The following STXBP6 variants were observed in gnomAD, a reference collection of about 807,000 sequenced individuals.
STXBP6 encodes syntaxin binding protein 6, also known as syntaxin-binding protein 6.
In STXBP6, 21 loss-of-function variants were observed where a neutral mutation model predicts 26.9. That is an observed-to-expected ratio of 0.78 (90% confidence interval 0.55 to 1.12). The LOEUF (loss-of-function observed/expected upper bound fraction) is 1.12. Among genes scored for constraint, STXBP6 ranks in the 50% most tolerant of loss-of-function variants. The probability of loss-of-function intolerance (pLI) is 0.00; values close to 1 mark genes in which losing one functional copy is unlikely to be tolerated. For synonymous variants in STXBP6, 97 were observed against 92.6 expected (o/e 1.05, Z -0.27); for missense variants, 232 against 257.9 (o/e 0.90, Z 0.69).
intron 1 of STXBP6, among the ~76,000 whole-genome samples, chr14:25,014,600 G>C (rs2075105174): frequency 6.6e-6 from 1 of 152,252 alleles, no homozygotes; most frequent in East Asian, 1.9e-4. Flanking sequence ...GCAAGGCACA[G>C]AGTCCGTGTC....
chr14:24,879,313 G>C (rs1041422192), intron 2 of STXBP6, among the ~76,000 whole-genome samples: 7 of 152,128 alleles, frequency 4.6e-5, no homozygotes, highest in African/African-American at 1.7e-4. Flanking sequence ...AAGCATAATA[G>C]AAGTTTTCCT....
At chr14:24,853,502 T>C (rs1330672847) in intron 4 of STXBP6, among the ~76,000 whole-genome samples, 1 of 152,130 alleles carries the variant, frequency 6.6e-6, no homozygotes, top group Non-Finnish European at 1.5e-5. Flanking sequence ...AAATCTTTGA[T>C]TCTTTAGATA....
At chr14:24,859,779 A>G (rs1016423085) in intron 2 of STXBP6, among the ~76,000 whole-genome samples, 2 of 152,184 alleles carry the variant, frequency 1.3e-5, no homozygotes, top group Non-Finnish European at 2.9e-5. Flanking sequence ...TATGGCTTCA[A>G]CATTCACAGG....
chr14:24,955,421 G>A (rs1197626292), intron 2 of STXBP6, among the ~76,000 whole-genome samples: 2 of 152,198 alleles, frequency 1.3e-5, no homozygotes, highest in Non-Finnish European at 2.9e-5. Flanking sequence ...ACTGGTGGAA[G>A]GGCGAGGATT....
At chr14:24,882,093 C>T (rs1296791077) in intron 2 of STXBP6, among the ~76,000 whole-genome samples, 1 of 151,716 alleles carries the variant, frequency 6.6e-6, no homozygotes, top group Non-Finnish European at 1.5e-5. Flanking sequence ...ATAAGAGGGG[C>T]TTTCGGCCGG....
chr14:24,836,076 T>G lies in STXBP6; in HGVS notation c.452-16882A>C, dbSNP rs368204567. ...TTTCACTGCTGCTCAAGACAGCCAG[T>G]GGCAACACTAGTTAATGAGCAATAG... On this transcript the variant is annotated intron_variant, in intron 4 of 5. Coordinates refer to ENST00000323944, the MANE Select transcript of STXBP6 (RefSeq NM_001394410.1). 3.9e-5 allele frequency among the ~76,000 whole-genome samples: 6 copies of G among 152,210 alleles called. No individual in the cohort carries two copies. In the East Asian group the frequency reaches 1.2e-3, roughly 29 times the overall value.
chr14:24,892,104 A>G (rs936926156), intron 2 of STXBP6, among the ~76,000 whole-genome samples: 1 of 152,184 alleles, frequency 6.6e-6, no homozygotes, highest in African/African-American at 2.4e-5. Context: ...ACACATGTAC[A>G]CATTAGGTTC....
In STXBP6 at chr14:24,911,375, A is replaced by AAG. The variant is rs138490421; in HGVS notation, c.155-54220_155-54219dup. ...AGGAAGGGAAAGAAGGGAAAGAAAG[A>AAG]AGAGAGAGAGAGAGAGAGAAAGGAA... On this transcript the variant is annotated intron_variant, in intron 2 of 5. Coordinates refer to ENST00000323944, the MANE Select transcript of STXBP6 (RefSeq NM_001394410.1). Among the ~76,000 whole-genome samples the AAG allele has an allele frequency of 5.7e-4, 85 of 148,628 alleles. 1 individual carries two copies. Among genetic ancestry groups the AAG allele is most frequent in the South Asian group, 2.4e-3 (11 of 4,670 alleles).
At chr14:25,044,679 G>C (rs1001556224) in intron 1 of STXBP6, among the ~76,000 whole-genome samples, 1 of 152,218 alleles carries the variant, frequency 6.6e-6, no homozygotes. Context: ...GCAGTGGCAC[G>C]ATCAGGGCTC....
intron 2 of STXBP6, among the ~76,000 whole-genome samples, chr14:24,922,888 A>G (rs1020879071): frequency 1.3e-5 from 2 of 152,120 alleles, no homozygotes; most frequent in African/African-American, 4.8e-5. Flanking sequence ...CTCAGATTTG[A>G]GCCATTTTGG....
In STXBP6 at chr14:24,984,323, A is replaced by C. The variant is rs79394711; in HGVS notation, c.-32-9473T>G. 4.1e-3 allele frequency among the ~76,000 whole-genome samples: 628 copies of C among 152,352 alleles called. 15 individuals are homozygous for C. The East Asian group carries it at 0.043, about 10-fold the overall frequency. ...CTGATTTGGAGAATATCACCACTTT[A>C]CAATTTCTTGGAAGAGTTTGAGTAA... On this transcript the variant is annotated intron_variant, in intron 1 of 5. Transcript: ENST00000323944.
In STXBP6 at chr14:24,924,629, C is replaced by CAT. The variant is rs561903789; in HGVS notation, c.154+50034_154+50035dup. Reference sequence around the variant, plus strand: ...TTGGTGTTTCTCCATTCTTACTAGCCATCTCTTTCCTGTCTAAGAATTCAA... The same window carrying CAT: ...TTGGTGTTTCTCCATTCTTACTAGCCATATCTCTTTCCTGTCTAAGAATTCAA... On this transcript the variant is annotated intron_variant, in intron 2 of 5. Coordinates refer to ENST00000323944, the MANE Select transcript of STXBP6 (RefSeq NM_001394410.1). Among the ~76,000 whole-genome samples, 28 of 152,202 alleles carry CAT rather than the reference C, an allele frequency of 1.8e-4. No individual in the cohort carries two copies. The South Asian group carries it at 5.8e-3, about 32-fold the overall frequency.
At chr14:24,924,860 A>G (rs975293384) in intron 2 of STXBP6, among the ~76,000 whole-genome samples, 1 of 152,176 alleles carries the variant, frequency 6.6e-6, no homozygotes, top group Middle Eastern at 3.2e-3. Context: ...TTCTGCAAAG[A>G]TAAGTTCAGG....
intron 1 of STXBP6, among the ~76,000 whole-genome samples, chr14:25,046,862 T>C (rs1595368517): frequency 6.6e-6 from 1 of 152,164 alleles, no homozygotes; most frequent in South Asian, 2.1e-4. Context: ...CTAATACTGA[T>C]CAGCTGCCCC....
intron 2 of STXBP6, among the ~76,000 whole-genome samples, chr14:24,968,729 T>G (rs1483002141): frequency 6.6e-6 from 1 of 152,120 alleles, no homozygotes; most frequent in African/African-American, 2.4e-5. Flanking sequence ...ATTTTTCAAC[T>G]GAATAAACTA....
intron 4 of STXBP6, among the ~76,000 whole-genome samples, chr14:24,843,393 T>C (rs2068843553): frequency 6.6e-6 from 1 of 152,182 alleles, no homozygotes; most frequent in Admixed American, 6.5e-5. Context: ...TTAACTCCTG[T>C]GTCCAGGGAG....
chr14:24,864,772 C>T (rs2069661919), intron 2 of STXBP6, among the ~76,000 whole-genome samples: 1 of 152,180 alleles, frequency 6.6e-6, no homozygotes, highest in African/African-American at 2.4e-5. Flanking sequence ...ATAATTACCG[C>T]TATCAGTCAA....
intron 2 of STXBP6, among the ~76,000 whole-genome samples, chr14:24,973,893 A>G (rs755779960): frequency 1.3e-4 from 20 of 152,336 alleles, no homozygotes; most frequent in Non-Finnish European, 1.9e-4. Flanking sequence ...CAATTGAAGG[A>G]AAGTTTTTAA....
At chr14:24,815,084 G>C (rs1197125708) in intron 5 of STXBP6, among the ~76,000 whole-genome samples, 1 of 152,136 alleles carries the variant, frequency 6.6e-6, no homozygotes, top group African/African-American at 2.4e-5. Context: ...AATATGGAAG[G>C]CAGGGAGGTA....
Sources: allele counts gnomAD v4.1 joint callset (sites outside exome capture counted in the v4.1 genomes callset), GRCh38; gene constraint gnomAD v4.1.1; transcripts MANE v1.5; gene names NCBI Gene and HGNC (gene_info 2026-07-23, HGNC 2026-07-21).